The following PACSIN2 variants were observed in gnomAD, a reference collection of about 807,000 sequenced individuals.
PACSIN2 encodes protein kinase C and casein kinase substrate in neurons 2.
In PACSIN2, 25 loss-of-function variants were observed where a neutral mutation model predicts 63.8. The ratio of observed to expected loss-of-function variants is 0.39; its 90% CI spans 0.29 to 0.55. The LOEUF (loss-of-function observed/expected upper bound fraction) is 0.55, where lower values mean the gene tolerates loss of function less well. Ranked by LOEUF, PACSIN2 falls within the 20% of genes least tolerant of loss-of-function variation. The pLI is 0.62. For synonymous variants in PACSIN2, 255 were observed against 256.2 expected, an observed-to-expected ratio of 1.00 and a Z score of 0.05; for missense variants, 518 against 646.9, an observed-to-expected ratio of 0.80 and a Z score of 2.16.
intron 4 of PACSIN2, among the ~76,000 whole-genome samples, chr22:42,889,504 T>C (rs1929749776): frequency 1.3e-5 from 2 of 152,022 alleles, no homozygotes; most frequent in Admixed American, 1.3e-4. Context: ...AGTTTCATTA[T>C]GAATGGGGCC....
chr22:42,979,502 C>G (rs1177709088), intron 1 of PACSIN2, among the ~76,000 whole-genome samples: 2 of 83,802 alleles, frequency 2.4e-5, no homozygotes, highest in Non-Finnish European at 4.2e-5. Flanking sequence ...CCAGCCTAGG[C>G]AACAAAGCAA....
chr22:42,875,301 C>A (rs185949340), intron 10 of PACSIN2, among the ~76,000 whole-genome samples: 1 of 152,218 alleles, frequency 6.6e-6, no homozygotes, highest in African/African-American at 2.4e-5. Context: ...CAACACCACG[C>A]CCAGCTAATC....
intron 1 of PACSIN2, among the ~76,000 whole-genome samples, chr22:43,010,019 G>A (rs532357290): frequency 9.2e-5 from 14 of 151,618 alleles, no homozygotes; most frequent in South Asian, 4.2e-4. Context: ...ATAGGCGCAC[G>A]CCACCATACC....
At position 42,872,094 on chromosome 22, in the gene PACSIN2, G is replaced by A. The variant is rs145276571; in HGVS notation, c.1349-625C>T. Among the ~76,000 whole-genome samples the A allele has an allele frequency of 6.4e-3, 971 of 152,322 alleles. 13 individuals carry two copies. The highest frequency in any genetic ancestry group is 8.1e-3 in the Non-Finnish European group (553 of 68,030). ...CTCCCTGTGGCTCTAATGTATTAAC[G>A]TGGTTCCATTTATCTTTGGTTGTTC... On this transcript the variant is annotated intron_variant, in intron 10 of 10. Coordinates refer to ENST00000263246, the MANE Select transcript of PACSIN2 (RefSeq NM_001184970.3).
chr22:42,891,855 C>A (rs749056312), intron 3 of PACSIN2, among the ~76,000 whole-genome samples: 17 of 152,246 alleles, frequency 1.1e-4, no homozygotes, highest in Admixed American at 2.6e-4. Flanking sequence ...CCCACCCACA[C>A]CATGCCAACG....
chr22:43,010,398 A>ATATATATATATATATATATTTT lies in PACSIN2; in HGVS notation c.-78+4622_-78+4623insAAAATATATATATATATATATA. ...TGTTTAAAAATACATATATATATAT[A>ATATATATATATATATATATTTT]TTTTTTTTTAATTGAAAATAAAAAA... is the stretch of plus-strand genomic sequence containing the variant. On this transcript the variant is annotated intron_variant, in intron 1 of 10. Transcript: ENST00000263246. Among the ~76,000 whole-genome samples, 559 of 126,358 alleles carry ATATATATATATATATATATTTT rather than the reference A, an allele frequency of 4.4e-3. 7 individuals carry two copies. The highest frequency in any genetic ancestry group is 8.1e-3 in the South Asian group (30 of 3,686). The allele number at this position is 126,358 out of a possible 152,430, so 82.9% of individuals were successfully genotyped here.
intron 1 of PACSIN2, among the ~76,000 whole-genome samples, chr22:42,921,863 C>T (rs1244304882): frequency 6.6e-6 from 1 of 152,054 alleles, no homozygotes; most frequent in Non-Finnish European, 1.5e-5. Context: ...CTCAGCCTCC[C>T]GAGTAGCTGG....
chr22:42,899,449 A>C (rs1383532638), intron 2 of PACSIN2, among the ~76,000 whole-genome samples: 1 of 152,076 alleles, frequency 6.6e-6, no homozygotes, highest in African/African-American at 2.4e-5. Context: ...GCACACAGAG[A>C]CACCTCTGTA....
At chr22:43,002,267 A>G (rs1402497886) in intron 1 of PACSIN2, 1 of 152,162 alleles carries the variant, frequency 6.6e-6, no homozygotes, top group African/African-American at 2.4e-5. Flanking sequence ...TGCATCCCTT[A>G]AGTGAGGAAA....
At chr22:42,879,590 G>A (rs1374475574) in intron 7 of PACSIN2, among the ~76,000 whole-genome samples, 1 of 152,208 alleles carries the variant, frequency 6.6e-6, no homozygotes, top group African/African-American at 2.4e-5. Context: ...TGTCTGCTGA[G>A]CCTCCCAAAG....
chr22:42,881,468 G>A (rs1929069603), intron 7 of PACSIN2, among the ~76,000 whole-genome samples: 1 of 152,304 alleles, frequency 6.6e-6, no homozygotes, highest in Non-Finnish European at 1.5e-5. Context: ...CGAGGCCCAC[G>A]CCCACAGCAG....
rs1928888628 is a variant in PACSIN2, at chr22:42,879,190, G to A, written c.907-21C>T. On this transcript the variant is annotated intron_variant, in intron 7 of 10. Coordinates refer to ENST00000263246, the MANE Select transcript of PACSIN2 (RefSeq NM_001184970.3). The stretch of plus-strand genomic sequence containing the variant: ...CACTCCTAGGCAACAGGTGCCGAGG[G>A]AGAGAAACCAAAGGTTCACTACTTG... 1.9e-6 allele frequency: 3 copies of A among 1,609,164 alleles called. No individual in the cohort carries two copies. In the African/African-American group the frequency reaches 4.0e-5, roughly 22 times the overall value.
intron 1 of PACSIN2, among the ~76,000 whole-genome samples, chr22:42,932,498 C>T (rs1932801334): frequency 6.6e-6 from 1 of 152,166 alleles, no homozygotes; most frequent in Non-Finnish European, 1.5e-5. Flanking sequence ...TTTGTTGAAA[C>T]TGACAGCGAC....
rs963389182 is a variant in PACSIN2, at chr22:42,890,928, G to A, written c.453+19C>T. 1.9e-6 allele frequency: 3 copies of A among 1,600,048 alleles called. No individual in the cohort carries two copies. In the African/African-American group the frequency reaches 4.0e-5, roughly 21 times the overall value. On this transcript the variant is annotated intron_variant, in intron 4 of 10. Transcript: ENST00000263246. ...AGGCAGAGCAAGGCCGGGCAGGGAA[G>A]CCTGCAGGACAGATGTACCTCTTTC... is the stretch of plus-strand genomic sequence containing the variant.
At chr22:42,911,176 T>G (rs943588761) in intron 2 of PACSIN2, among the ~76,000 whole-genome samples, 3 of 151,740 alleles carry the variant, frequency 2.0e-5, no homozygotes, top group Non-Finnish European at 4.4e-5. Context: ...AGTGCTGGGG[T>G]TACAGACATG....
intron 1 of PACSIN2, among the ~76,000 whole-genome samples, chr22:43,007,859 T>C (rs1477853346): frequency 1.3e-5 from 2 of 152,182 alleles, no homozygotes; most frequent in African/African-American, 4.8e-5. Flanking sequence ...TACCTCTGAC[T>C]CACCCTGCCT....
chr22:42,977,093 T>C (rs1332822066), intron 1 of PACSIN2, among the ~76,000 whole-genome samples: 1 of 152,228 alleles, frequency 6.6e-6, no homozygotes, highest in Non-Finnish European at 1.5e-5. Context: ...TATGCATTAA[T>C]AGACACATAT....
chr22:42,938,921 T>C (rs1418331155), intron 1 of PACSIN2, among the ~76,000 whole-genome samples: 1 of 152,234 alleles, frequency 6.6e-6, no homozygotes, highest in Non-Finnish European at 1.5e-5. Context: ...ATTCATATAG[T>C]AACCCTTAAA....
intron 10 of PACSIN2, among the ~76,000 whole-genome samples, chr22:42,872,815 G>C (rs1928267626): frequency 6.6e-6 from 1 of 152,266 alleles, no homozygotes; most frequent in Admixed American, 6.5e-5. Context: ...TGCCAGACCA[G>C]TGCGCCTGCA....
Sources: allele counts gnomAD v4.1 joint callset (sites outside exome capture counted in the v4.1 genomes callset), GRCh38; gene constraint gnomAD v4.1.1; transcripts MANE v1.5; gene names NCBI Gene and HGNC (gene_info 2026-07-23, HGNC 2026-07-21).